CMTM4: variants seen among roughly 807,000 people sequenced by gnomAD.
The protein encoded by CMTM4 is CKLF-like MARVEL transmembrane domain-containing protein 4.
CMTM4 carries 8 observed loss-of-function variants against 19.0 expected under a neutral mutation model. The observed-to-expected ratio is 0.42, with a 90% CI of 0.25 to 0.76. CMTM4 has a LOEUF of 0.76. CMTM4 is among the 30% of genes least tolerant of loss of function. The probability of loss-of-function intolerance (pLI) is 0.27; values close to 1 mark genes in which losing one functional copy is unlikely to be tolerated. For missense variants in CMTM4, 228 were observed against 290.2 expected, an observed-to-expected ratio of 0.79 and a Z score of 1.56; for synonymous variants, 106 against 121.1, an observed-to-expected ratio of 0.88 and a Z score of 0.82.
intron 1 of CMTM4, among the ~76,000 whole-genome samples, chr16:66,692,476 G>T (rs1003800562): frequency 6.6e-6 from 1 of 152,322 alleles, no homozygotes; most frequent in Admixed American, 6.5e-5. Flanking sequence ...AAATGCAGAT[G>T]ACTCAGAAGT....
chr16:66,695,310 G>A (rs2144937169), intron 1 of CMTM4, among the ~76,000 whole-genome samples: 1 of 152,278 alleles, frequency 6.6e-6, no homozygotes, highest in Non-Finnish European at 1.5e-5. Flanking sequence ...TCGCACCAGT[G>A]CACTCCACCC....
rs550558215 is a variant in CMTM4 at position 66,615,250 on chromosome 16, T to G, written c.*6808A>C. The G allele has an allele frequency of 6.6e-6, 1 of 152,344 alleles. No individual in the cohort carries two copies. The highest frequency in any genetic ancestry group is 1.9e-4 in the East Asian group (1 of 5,188). The allele number at this position is 152,344 out of a possible 1,614,324, so 9.4% of individuals were successfully genotyped here. On this transcript the variant is annotated 3_prime_UTR_variant, in exon 4 of 4. Transcript: ENST00000394106. The surrounding 1 kb of genome is among the most constrained non-coding windows in gnomAD (Gnocchi z 4.9). The stretch of plus-strand genomic sequence containing the variant: ...ACCACGGAGAAATCATATTGGAAAG[T>G]TACTACTTAGCCATCTGACTTGACT...
At chr16:66,674,562 A>T (rs183968616) in intron 1 of CMTM4, among the ~76,000 whole-genome samples, 2 of 152,204 alleles carry the variant, frequency 1.3e-5, no homozygotes, top group East Asian at 3.9e-4. Context: ...CTCAGTGGAA[A>T]CTAATTTCCA....
chr16:66,660,387 CAA>C (rs34266604), intron 1 of CMTM4, among the ~76,000 whole-genome samples: 354 of 84,510 alleles, frequency 4.2e-3, no homozygotes, highest in Admixed American at 5.3e-3. Context: ...GATCCTGTCT[CAA>C]AAAAAAAAAA....
intron 1 of CMTM4, among the ~76,000 whole-genome samples, chr16:66,693,195 T>C (rs2017168428): frequency 6.6e-6 from 1 of 151,822 alleles, no homozygotes; most frequent in Non-Finnish European, 1.5e-5. Flanking sequence ...TTGCACTCCA[T>C]CCTGGGCATC....
rs887544264 is a variant in CMTM4, at chr16:66,618,701, G to A, written c.*3357C>T. The stretch of plus-strand genomic sequence containing the variant: ...GCTTAACCCAAGGCTGACTCACTAG[G>A]ACAGCTTCCAAGAACCACAGATGTA... On this transcript the variant is annotated 3_prime_UTR_variant, in exon 4 of 4. Transcript: ENST00000394106. 1.3e-5 allele frequency: 13 copies of A among 985,384 alleles called. No homozygotes were observed. Among genetic ancestry groups the A allele is most frequent in the Middle Eastern group, 5.2e-4 (1 of 1,936 alleles). The allele number at this position is 985,384 out of a possible 1,614,324, so 61.0% of individuals were successfully genotyped here. A position where few individuals can be genotyped will look rare whatever the true frequency, so the allele number is the denominator to read the frequency against.
At chr16:66,666,911 T>G (rs887169730) in intron 1 of CMTM4, among the ~76,000 whole-genome samples, 1 of 152,144 alleles carries the variant, frequency 6.6e-6, no homozygotes, top group Non-Finnish European at 1.5e-5. Context: ...CACCTCTGAT[T>G]ACTTGGAGGG....
chr16:66,648,241 G>C (rs1241340398), intron 1 of CMTM4, among the ~76,000 whole-genome samples: 1 of 152,206 alleles, frequency 6.6e-6, no homozygotes, highest in Non-Finnish European at 1.5e-5. Context: ...CCAGCAGTGA[G>C]GACACATGGG....
At chr16:66,671,537 T>C (rs2016707526) in intron 1 of CMTM4, among the ~76,000 whole-genome samples, 1 of 152,178 alleles carries the variant, frequency 6.6e-6, no homozygotes. Context: ...AACCATTCCA[T>C]TCTCATCCCT....
At chr16:66,601,107 CTG>C in the CMTM4 span, among the ~76,000 whole-genome samples, 21,311 of 142,326 alleles carry the variant, frequency 0.15, 1,529 homozygotes, top group South Asian at 0.21. Context: ...GTGTGTGTGT[CTG>C]TGTGTGTGTG....
intron 1 of CMTM4, among the ~76,000 whole-genome samples, chr16:66,683,182 TATATATATATAC>T (rs2016964967): frequency 1.2e-5 from 1 of 85,702 alleles, no homozygotes. Flanking sequence ...TATACATATG[TATATATATATAC>T]ATATATATAT....
At chr16:66,623,346 C>T in intron 3 of CMTM4, 58 bp downstream of exon 3, 18 of 1,280,642 alleles carry the variant, frequency 1.4e-5, no homozygotes, top group South Asian at 2.6e-5. Flanking sequence ...CAGGGACAGG[C>T]GAGCAGGTCA....
chr16:66,622,970 C>T lies in CMTM4; in HGVS notation c.462+434G>A, dbSNP rs577071652. On this transcript the variant is annotated intron_variant, in intron 3 of 3. Coordinates refer to ENST00000394106, the MANE Select transcript of CMTM4 (RefSeq NM_181521.3). This position sits in a 1 kb window ranked among gnomAD's most constrained non-coding sequence, Gnocchi z 4.0. The stretch of plus-strand genomic sequence containing the variant: ...GGGAAGTCCTACATTATCTGGTCCC[C>T]ACCTGCCGTGGCATTTCCACCTTGA... Among the ~76,000 whole-genome samples the T allele has an allele frequency of 2.6e-5, 4 of 152,334 alleles. No homozygotes were observed. The highest frequency in any genetic ancestry group is 7.2e-5 in the African/African-American group (3 of 41,566).
At chr16:66,605,778 G>A in the CMTM4 span, among the ~76,000 whole-genome samples, 1 of 152,200 alleles carries the variant, frequency 6.6e-6, no homozygotes, top group Non-Finnish European at 1.5e-5. This position sits in a 1 kb window ranked among gnomAD's most constrained non-coding sequence, Gnocchi z 4.6. Flanking sequence ...CAGTGAGAGC[G>A]GCCAGGAGGG....
At chr16:66,643,107 G>C (rs903645810) in intron 1 of CMTM4, among the ~76,000 whole-genome samples, 5 of 152,120 alleles carry the variant, frequency 3.3e-5, no homozygotes, top group African/African-American at 7.2e-5. Flanking sequence ...TTTTAGTAGA[G>C]ACAGGGTTTC....
At chr16:66,687,682 A>ATTTTTT (rs1176777153) in intron 1 of CMTM4, among the ~76,000 whole-genome samples, 2 of 93,292 alleles carry the variant, frequency 2.1e-5, no homozygotes, top group South Asian at 3.5e-4. Context: ...AAAAAGGGTA[A>ATTTTTT]TTTTTTTTTT....
intron 1 of CMTM4, among the ~76,000 whole-genome samples, chr16:66,649,500 T>C (rs2016271977): frequency 7.7e-6 from 1 of 130,076 alleles, no homozygotes; most frequent in African/African-American, 3.3e-5. Context: ...CTATCCCTGA[T>C]TTTTTTTCTT....
At chr16:66,599,126 C>A in the CMTM4 span, among the ~76,000 whole-genome samples, 112 of 143,254 alleles carry the variant, frequency 7.8e-4, no homozygotes, top group Non-Finnish European at 1.1e-3. Flanking sequence ...CTAAAATTAC[C>A]AAAAAAAAAA....
intron 1 of CMTM4, among the ~76,000 whole-genome samples, chr16:66,666,127 A>G (rs2016589717): frequency 6.6e-6 from 1 of 151,054 alleles, no homozygotes; most frequent in African/African-American, 2.4e-5. Flanking sequence ...AGAAAGAAAG[A>G]AAGAAACTTG....
Sources: gnomAD v4.1 joint callset for allele counts (sites outside exome capture counted in the v4.1 genomes callset) on GRCh38, gnomAD v4.1.1 for gene constraint, Gnocchi (gnomAD v3.1) non-coding constraint, MANE v1.5 for transcripts, NCBI Gene and HGNC (gene_info 2026-07-23, HGNC 2026-07-21) for gene names.